Variants in EPB41L4A observed in about 807,000 individuals in gnomAD.
The protein encoded by EPB41L4A is erythrocyte membrane protein band 4.1 like 4A.
EPB41L4A carries 100 observed loss-of-function variants against 108.6 expected under a neutral mutation model. The ratio of observed to expected loss-of-function variants is 0.92; its 90% CI spans 0.78 to 1.09. The LOEUF is 1.09. Among genes scored for constraint, EPB41L4A ranks in the 50% least tolerant of loss-of-function variants. EPB41L4A has a pLI of 0.00. For missense variants in EPB41L4A, 1,030 were observed against 842.7 expected (o/e 1.22, Z -2.75); for synonymous variants, 319 against 289.0 (o/e 1.10, Z -1.05).
At chr5:112,182,659 T>C (rs1300134738) in intron 18 of EPB41L4A, among the ~76,000 whole-genome samples, 1 of 152,218 alleles carries the variant, frequency 6.6e-6, no homozygotes, top group African/African-American at 2.4e-5. Flanking sequence ...CATAGAAAAC[T>C]ATTCCACATG....
intron 1 of EPB41L4A, among the ~76,000 whole-genome samples, chr5:112,387,292 C>T (rs1760614727): frequency 6.6e-6 from 1 of 152,176 alleles, no homozygotes; most frequent in South Asian, 2.1e-4. Context: ...AGCTTCCCAT[C>T]AATTTAAGTA....
intron 1 of EPB41L4A, among the ~76,000 whole-genome samples, chr5:112,354,148 T>C (rs1393641689): frequency 6.6e-6 from 1 of 152,230 alleles, no homozygotes; most frequent in Admixed American, 6.5e-5. Context: ...CAGGGGCTAT[T>C]CTGAGCATTG....
chr5:112,315,626 T>C (rs1238961994), intron 1 of EPB41L4A, among the ~76,000 whole-genome samples: 4 of 152,218 alleles, frequency 2.6e-5, no homozygotes, highest in Non-Finnish European at 4.4e-5. Context: ...CAGTGACATA[T>C]AATTCCAATA....
At chr5:112,346,660 A>G (rs1394714461) in intron 1 of EPB41L4A, among the ~76,000 whole-genome samples, 1 of 152,242 alleles carries the variant, frequency 6.6e-6, no homozygotes, top group East Asian at 1.9e-4. Flanking sequence ...CCAGTAGTTC[A>G]TAAACAGAAA....
intron 2 of EPB41L4A, among the ~76,000 whole-genome samples, chr5:112,288,566 G>A (rs1753434916): frequency 6.6e-6 from 1 of 152,172 alleles, no homozygotes; most frequent in Non-Finnish European, 1.5e-5. Context: ...CCTAATCAGA[G>A]AAATCACCAC....
At chr5:112,180,953 G>C (rs1210506493) in intron 18 of EPB41L4A, among the ~76,000 whole-genome samples, 1 of 152,098 alleles carries the variant, frequency 6.6e-6, no homozygotes, top group Admixed American at 6.6e-5. Flanking sequence ...ACAAAAATGT[G>C]GTTATCATCA....
chr5:112,186,596 G>A (rs1761439369), intron 17 of EPB41L4A, among the ~76,000 whole-genome samples: 1 of 152,158 alleles, frequency 6.6e-6, no homozygotes, highest in Non-Finnish European at 1.5e-5. Flanking sequence ...CCCTCTACTG[G>A]CGATGCTGTT....
At chr5:112,364,453 A>G (rs1243266824) in intron 1 of EPB41L4A, among the ~76,000 whole-genome samples, 2 of 152,244 alleles carry the variant, frequency 1.3e-5, no homozygotes, top group African/African-American at 4.8e-5. Flanking sequence ...ATTTCTCGCC[A>G]GTAATACTGG....
intron 1 of EPB41L4A, among the ~76,000 whole-genome samples, chr5:112,389,097 G>A (rs1470948368): frequency 6.6e-6 from 1 of 152,116 alleles, no homozygotes; most frequent in African/African-American, 2.4e-5. Context: ...CTTAGCAGAA[G>A]ATTCGGAGAA....
chr5:112,394,855 C>T (rs1355678084), intron 1 of EPB41L4A, among the ~76,000 whole-genome samples: 4 of 152,204 alleles, frequency 2.6e-5, no homozygotes, highest in East Asian at 1.9e-4. Context: ...TACTACAAGG[C>T]TACAGTAACC....
chr5:112,212,118 C>A (rs1013578748), intron 12 of EPB41L4A, among the ~76,000 whole-genome samples: 4 of 152,176 alleles, frequency 2.6e-5, no homozygotes, highest in Non-Finnish European at 5.9e-5. Flanking sequence ...TTTGCCATAA[C>A]CATGTGACCA....
At chr5:112,147,095 T>C (rs898980605) in intron 12 of EPB41L4A, among the ~76,000 whole-genome samples, 1 of 152,190 alleles carries the variant, frequency 6.6e-6, no homozygotes, top group African/African-American at 2.4e-5. Flanking sequence ...TTAGTGTGGG[T>C]TTTGTGCTTG....
intron 9 of EPB41L4A, among the ~76,000 whole-genome samples, chr5:112,255,927 G>C (rs1208870760): frequency 6.6e-6 from 1 of 152,008 alleles, no homozygotes; most frequent in African/African-American, 2.4e-5. Context: ...CTCACCTGAT[G>C]ATAGCTCTAT....
At chr5:112,196,549 C>T (rs1761975368) in intron 15 of EPB41L4A, 1 of 152,376 alleles carries the variant, frequency 6.6e-6, no homozygotes, top group East Asian at 1.9e-4. Flanking sequence ...CTCTTCACTT[C>T]TCTTCACTGT....
intron 1 of EPB41L4A, among the ~76,000 whole-genome samples, chr5:112,382,055 G>T (rs1020002230): frequency 2.0e-5 from 3 of 152,204 alleles, no homozygotes; most frequent in African/African-American, 4.8e-5. Context: ...TAATACGGCA[G>T]TGCACATCAG....
chr5:112,408,805 C>T (rs1469886132), intron 1 of EPB41L4A, among the ~76,000 whole-genome samples: 3 of 149,864 alleles, frequency 2.0e-5, no homozygotes, highest in African/African-American at 7.4e-5. Flanking sequence ...TACTTCACAC[C>T]CAATAGGATG....
chr5:112,297,637 TTAAG>T (rs1212710051), intron 2 of EPB41L4A, among the ~76,000 whole-genome samples: 2 of 152,232 alleles, frequency 1.3e-5, no homozygotes, highest in Non-Finnish European at 2.9e-5. Flanking sequence ...TTTAGTTTAA[TTAAG>T]TCTCACCTAT....
intron 2 of EPB41L4A, among the ~76,000 whole-genome samples, chr5:112,285,981 C>A (rs1051697273): frequency 6.6e-6 from 1 of 152,106 alleles, no homozygotes; most frequent in Non-Finnish European, 1.5e-5. Context: ...TGAAGCCATT[C>A]CATCTTACAC....
intron 7 of EPB41L4A, among the ~76,000 whole-genome samples, chr5:112,260,458 G>C (rs531744188): frequency 6.6e-6 from 1 of 152,086 alleles, no homozygotes; most frequent in Non-Finnish European, 1.5e-5. Context: ...ATCTATCAAG[G>C]GTGCTTTTGA....
Sources: allele counts gnomAD v4.1 joint callset (sites outside exome capture counted in the v4.1 genomes callset), GRCh38; gene constraint gnomAD v4.1.1; transcripts MANE v1.5; gene names NCBI Gene and HGNC (gene_info 2026-07-23, HGNC 2026-07-21).